Variants in GATAD2B observed in about 807,000 individuals in gnomAD.
GATAD2B encodes transcriptional repressor p66-beta.
Under a neutral mutation model 64.3 loss-of-function variants are expected in GATAD2B, and 8 were observed. The ratio of observed to expected loss-of-function variants is 0.12; its 90% CI spans 0.07 to 0.22. GATAD2B has a LOEUF of 0.22. Ranked by LOEUF, GATAD2B falls within the 10% of genes least tolerant of loss-of-function variation. The pLI, the probability that GATAD2B is intolerant of heterozygous loss-of-function variation, is 1.00. For synonymous variants in GATAD2B, 281 were observed against 271.3 expected (o/e 1.04, Z -0.35); for missense variants, 453 against 752.0 (o/e 0.60, Z 4.65).
At chr1:153,897,888 G>A (rs1171259155) in intron 1 of GATAD2B, among the ~76,000 whole-genome samples, 1 of 150,374 alleles carries the variant, frequency 6.7e-6, no homozygotes, top group African/African-American at 2.5e-5. Context: ...GCTCACACCT[G>A]TAATCCCGAT....
chr1:153,848,486 A>T (rs990205928), intron 1 of GATAD2B, among the ~76,000 whole-genome samples: 2 of 152,072 alleles, frequency 1.3e-5, no homozygotes, highest in Admixed American at 1.3e-4. Flanking sequence ...ATGATCCTTT[A>T]TTCTTAGTCT....
intron 1 of GATAD2B, among the ~76,000 whole-genome samples, chr1:153,904,851 C>T (rs1277660223): frequency 2.6e-5 from 4 of 152,082 alleles, no homozygotes; most frequent in Admixed American, 1.3e-4. Context: ...GGATTACAGG[C>T]GCCTGCCACC....
intron 1 of GATAD2B, among the ~76,000 whole-genome samples, chr1:153,876,776 G>C (rs189810294): frequency 2.8e-4 from 42 of 152,324 alleles, no homozygotes; most frequent in African/African-American, 9.4e-4. Context: ...GCCAAGGCGG[G>C]CAGATCACCT....
At chr1:153,876,860 G>A (rs1171181060) in intron 1 of GATAD2B, among the ~76,000 whole-genome samples, 1 of 151,912 alleles carries the variant, frequency 6.6e-6, no homozygotes, top group Non-Finnish European at 1.5e-5. Context: ...AAAATTAGCT[G>A]GGCATGGTGG....
In GATAD2B at chr1:153,817,535, C is replaced by A. The variant is rs1056350674; in HGVS notation, c.737G>T (p.Ser246Ile). Residue 246 changes from serine (S) to isoleucine (I), a missense_variant, in exon 6 of 11, where the codon AGT (serine) becomes ATT (isoleucine). Around this residue, in one of 2 missense-constraint regions of GATAD2B, gnomAD observed 293 missense variants for 417.2 expected, o/e 0.70. Transcript: ENST00000368655. ...GGTATTGGTAGCTGAACGGATGACA[C>A]TGTGACCCTGGAGGGGAAGAAGAGG... Reference protein sequence around the residue: ...PQNLRTLQGHSVIRSATNTTL... With the variant: ...PQNLRTLQGHIVIRSATNTTL... 3.1e-6 allele frequency: 5 copies of A among 1,594,212 alleles called. No homozygotes were observed. The African/African-American group carries it at 4.0e-5, about 13-fold the overall frequency.
At chr1:153,904,019 G>A (rs1490635270) in intron 1 of GATAD2B, among the ~76,000 whole-genome samples, 3 of 151,830 alleles carry the variant, frequency 2.0e-5, no homozygotes, top group African/African-American at 7.3e-5. Context: ...GGTGGCTCAC[G>A]CCTGTAATCC....
chr1:153,810,175 C>T lies in GATAD2B; in HGVS notation c.*2G>A, dbSNP rs748905334. On this transcript the variant is annotated 3_prime_UTR_variant, in exon 11 of 11. Transcript: ENST00000368655. ...GATGGGGCAGTACAAGTGGAACAGG[C>T]GTTATTTCTGTCCACTGATGGACTG... 173 of 1,607,812 alleles carry T rather than the reference C, an allele frequency of 1.1e-4. No homozygotes were observed. The highest frequency in any genetic ancestry group is 1.3e-4 in the Non-Finnish European group (158 of 1,177,244).
chr1:153,850,151 C>T (rs186832368), intron 1 of GATAD2B, among the ~76,000 whole-genome samples: 22 of 152,246 alleles, frequency 1.4e-4, no homozygotes, highest in African/African-American at 5.1e-4. Flanking sequence ...GGATCTGTTC[C>T]TCCAGAGTAG....
Position 153,816,025 on chromosome 1 carries a change from C to G in GATAD2B, c.1216+248G>C, listed in dbSNP as rs1435625386. Among the ~76,000 whole-genome samples, 2 of 148,860 alleles carry G rather than the reference C, an allele frequency of 1.3e-5. No homozygotes were observed. Among genetic ancestry groups the G allele is most frequent in the African/African-American group, 4.9e-5 (2 of 40,548 alleles). ...CTGAGATTGTGCCACTGCACTCCAG[C>G]CTGGGCAACAGAGCGAGACTGCATC... On this transcript the variant is annotated intron_variant, in intron 7 of 10. Transcript: ENST00000368655. This position sits in a 1 kb window ranked among gnomAD's most constrained non-coding sequence, Gnocchi z 4.9.
intron 1 of GATAD2B, among the ~76,000 whole-genome samples, chr1:153,896,248 A>G (rs897982957): frequency 6.6e-6 from 1 of 152,070 alleles, no homozygotes; most frequent in East Asian, 1.9e-4. Flanking sequence ...CATAAAACAG[A>G]TCCTGGCTCC....
chr1:153,878,857 A>T (rs747333447), intron 1 of GATAD2B, among the ~76,000 whole-genome samples: 4 of 141,566 alleles, frequency 2.8e-5, no homozygotes, highest in Non-Finnish European at 6.0e-5. Flanking sequence ...GGCTCACTGC[A>T]ACCTCCACCT....
intron 1 of GATAD2B, among the ~76,000 whole-genome samples, chr1:153,863,246 C>A (rs191508711): frequency 6.6e-6 from 1 of 152,032 alleles, no homozygotes; most frequent in South Asian, 2.1e-4. Flanking sequence ...TTTGGGGGGC[C>A]GAGGCGGGTG....
intron 1 of GATAD2B, among the ~76,000 whole-genome samples, chr1:153,892,969 A>C (rs1427683421): frequency 1.3e-5 from 2 of 152,132 alleles, no homozygotes; most frequent in Non-Finnish European, 2.9e-5. Flanking sequence ...CTGGGATTAT[A>C]GGTGTGAGCC....
chr1:153,850,937 TTTTTTG>T (rs1557803096), intron 1 of GATAD2B, among the ~76,000 whole-genome samples: 1 of 152,002 alleles, frequency 6.6e-6, no homozygotes, highest in Non-Finnish European at 1.5e-5. Context: ...AAAAAAGTTT[TTTTTTG>T]TTTTATTGTG....
At chr1:153,815,636 T>C (rs972850156) in intron 7 of GATAD2B, among the ~76,000 whole-genome samples, 20 of 151,472 alleles carry the variant, frequency 1.3e-4, no homozygotes, top group African/African-American at 4.6e-4. Context: ...GCCTCAATGA[T>C]AGCTGACCTG....
At chr1:153,849,846 G>A (rs1194056698) in intron 1 of GATAD2B, among the ~76,000 whole-genome samples, 1 of 152,116 alleles carries the variant, frequency 6.6e-6, no homozygotes, top group Non-Finnish European at 1.5e-5. Flanking sequence ...TGGCCAGGCT[G>A]GTCTTGAACT....
At chr1:153,834,612 A>G (rs1675205417) in intron 1 of GATAD2B, among the ~76,000 whole-genome samples, 1 of 150,744 alleles carries the variant, frequency 6.6e-6, no homozygotes, top group African/African-American at 2.4e-5. Context: ...CTGGTCTCGC[A>G]CTCCCGACCT....
At chr1:153,810,701 C>T (rs900351174) in intron 10 of GATAD2B, among the ~76,000 whole-genome samples, 111 of 151,472 alleles carry the variant, frequency 7.3e-4, no homozygotes, top group Non-Finnish European at 2.5e-4. Flanking sequence ...AATGATCCAA[C>T]GGCCTCAGCC....
intron 1 of GATAD2B, among the ~76,000 whole-genome samples, chr1:153,863,413 T>A (rs918521844): frequency 2.0e-5 from 3 of 151,486 alleles, no homozygotes; most frequent in Non-Finnish European, 4.4e-5. Flanking sequence ...GGAGAATCAC[T>A]TGAACCCAGG....
Sources: allele counts gnomAD v4.1 joint callset (sites outside exome capture counted in the v4.1 genomes callset), GRCh38; gene constraint gnomAD v4.1.1; regional missense constraint gnomAD v4.1.1; non-coding constraint Gnocchi (gnomAD v3.1); transcripts MANE v1.5; gene names NCBI Gene and HGNC (gene_info 2026-07-23, HGNC 2026-07-21).